The following ASIC2 variants were observed in gnomAD, a reference collection of about 807,000 sequenced individuals.
ASIC2 encodes acid sensing ion channel subunit 2.
In ASIC2, 25 loss-of-function variants were observed where a neutral mutation model predicts 57.3. The observed-to-expected ratio is 0.44, with a 90% CI of 0.32 to 0.61. ASIC2 has a LOEUF of 0.61. Ranked by LOEUF, ASIC2 falls within the 20% of genes least tolerant of loss-of-function variation. ASIC2 has a pLI of 0.06. For missense variants in ASIC2, 641 were observed against 738.1 expected (o/e 0.87, Z 1.52); for synonymous variants, 319 against 307.5 (o/e 1.04, Z -0.39).
At chr17:33,797,536 TG>T (rs1284732479) in intron 1 of ASIC2, among the ~76,000 whole-genome samples, 1 of 152,240 alleles carries the variant, frequency 6.6e-6, no homozygotes, top group African/African-American at 2.4e-5. Flanking sequence ...AGTCTAATTT[TG>T]TTGGTCCATG....
intron 1 of ASIC2, among the ~76,000 whole-genome samples, chr17:33,145,540 CT>C (rs1904525533): frequency 6.6e-6 from 1 of 152,196 alleles, no homozygotes; most frequent in African/African-American, 2.4e-5. Context: ...TCTCTTTTGG[CT>C]TTTTCAGACT....
intron 1 of ASIC2, among the ~76,000 whole-genome samples, chr17:33,900,683 TAGAC>T (rs1165020268): frequency 6.6e-6 from 1 of 152,210 alleles, no homozygotes; most frequent in South Asian, 2.1e-4. Flanking sequence ...GACTCACTAA[TAGAC>T]AGTTTTATAC....
chr17:33,644,333 G>A (rs1342595011), intron 1 of ASIC2, among the ~76,000 whole-genome samples: 1 of 150,892 alleles, frequency 6.6e-6, no homozygotes, highest in African/African-American at 2.4e-5. Context: ...ACTTCTACTT[G>A]ATCAGCTCTA....
intron 1 of ASIC2, among the ~76,000 whole-genome samples, chr17:33,448,914 A>G (rs370630002): frequency 7.9e-5 from 12 of 152,258 alleles, no homozygotes; most frequent in African/African-American, 2.4e-4. Context: ...AGTCAAAAGA[A>G]CACAGATCAG....
intron 1 of ASIC2, among the ~76,000 whole-genome samples, chr17:34,061,482 AG>A (rs1292496476): frequency 6.6e-6 from 1 of 152,220 alleles, no homozygotes; most frequent in East Asian, 1.9e-4. Context: ...CAAAGTACAC[AG>A]GCAACAAAGA....
At chr17:33,489,882 C>T (rs1033448182) in intron 1 of ASIC2, among the ~76,000 whole-genome samples, 12 of 152,174 alleles carry the variant, frequency 7.9e-5, no homozygotes, top group African/African-American at 2.9e-4. Context: ...GTCCTGAGTA[C>T]CCAGGCAATC....
At chr17:33,136,750 G>A (rs780058855) in intron 1 of ASIC2, among the ~76,000 whole-genome samples, 4 of 152,152 alleles carry the variant, frequency 2.6e-5, no homozygotes, top group African/African-American at 4.8e-5. Context: ...GCTCACCCAC[G>A]GAACCCTCAG....
chr17:33,566,678 GGTCCGGGCACA>G lies in ASIC2; in HGVS notation c.556-454622_556-454612del, dbSNP rs759104064. Among the ~76,000 whole-genome samples the G allele has an allele frequency of 3.2e-4, 49 of 152,262 alleles. 1 individual carries two copies. Among genetic ancestry groups the G allele is most frequent in the South Asian group, 2.1e-4 (1 of 4,812 alleles). ...CACCTGGAACCCCAAAGCTCTTTCA[GGTCCGGGCACA>G]GTAATCTCTATCTCCAGGATTCCCT... is the stretch of plus-strand genomic sequence containing the variant. On this transcript the variant is annotated intron_variant, in intron 1 of 9. Coordinates refer to the ASIC2 transcript ENST00000359872.
chr17:34,093,973 C>T (rs1253541689), intron 1 of ASIC2, among the ~76,000 whole-genome samples: 3 of 152,166 alleles, frequency 2.0e-5, no homozygotes, highest in Admixed American at 6.5e-5. Context: ...TTTGTCTGCT[C>T]AGGTTGCTTT....
intron 1 of ASIC2, among the ~76,000 whole-genome samples, chr17:33,796,506 A>G (rs1911923239): frequency 6.6e-6 from 1 of 152,236 alleles, no homozygotes; most frequent in South Asian, 2.1e-4. Context: ...TACCTAGATA[A>G]TACTGATATT....
intron 1 of ASIC2, among the ~76,000 whole-genome samples, chr17:33,434,143 A>G (rs1010273482): frequency 2.0e-5 from 3 of 151,824 alleles, no homozygotes; most frequent in Admixed American, 2.0e-4. Flanking sequence ...TAATAAATAA[A>G]TAAAATAAAT....
chr17:33,112,923 C>T (rs1033918991), intron 1 of ASIC2: 8 of 147,168 alleles, frequency 5.4e-5, no homozygotes, highest in African/African-American at 2.0e-4. Flanking sequence ...ACCTGCCACA[C>T]CCAGTCTTTT....
At chr17:33,712,872 C>T (rs1198331812) in intron 1 of ASIC2, among the ~76,000 whole-genome samples, 3 of 151,796 alleles carry the variant, frequency 2.0e-5, no homozygotes, top group Non-Finnish European at 4.4e-5. Flanking sequence ...GTCTCGATCT[C>T]CTGACCTCGT....
chr17:33,624,411 G>A (rs542865749), intron 1 of ASIC2, among the ~76,000 whole-genome samples: 1 of 152,326 alleles, frequency 6.6e-6, no homozygotes, highest in African/African-American at 2.4e-5. Flanking sequence ...TACACAGACT[G>A]AACAGTAGTT....
intron 1 of ASIC2, among the ~76,000 whole-genome samples, chr17:33,857,339 C>A (rs145736628): frequency 6.6e-6 from 1 of 152,180 alleles, no homozygotes; most frequent in Non-Finnish European, 1.5e-5. Flanking sequence ...GAAGGGGAAA[C>A]TGAGAAGGAG....
At chr17:33,552,430 C>T (rs975029251) in intron 1 of ASIC2, among the ~76,000 whole-genome samples, 34 of 152,210 alleles carry the variant, frequency 2.2e-4, no homozygotes, top group African/African-American at 8.0e-4. Context: ...GCTTTTTGCA[C>T]TGATTTTTCT....
chr17:33,788,182 C>G (rs1427739715), intron 1 of ASIC2, among the ~76,000 whole-genome samples: 1 of 151,698 alleles, frequency 6.6e-6, no homozygotes, highest in Non-Finnish European at 1.5e-5. Flanking sequence ...TCTAATTATC[C>G]AGAATTTAAA....
At chr17:33,842,570 T>C (rs1278013723) in intron 1 of ASIC2, among the ~76,000 whole-genome samples, 3 of 152,058 alleles carry the variant, frequency 2.0e-5, no homozygotes, top group Non-Finnish European at 2.9e-5. Flanking sequence ...ACAGAGGTGG[T>C]CATGGTATTA....
chr17:33,571,892 T>A (rs1916459306), intron 1 of ASIC2: 2 of 152,218 alleles, frequency 1.3e-5, no homozygotes, highest in Non-Finnish European at 2.9e-5. Context: ...CAGCAATCCC[T>A]CAAGACTTCT....
Sources: gnomAD v4.1 joint callset for allele counts (sites outside exome capture counted in the v4.1 genomes callset) on GRCh38, gnomAD v4.1.1 for gene constraint, MANE v1.5 for transcripts, NCBI Gene and HGNC (gene_info 2026-07-23, HGNC 2026-07-21) for gene names.